Variants in MARCHF1 observed in about 807,000 individuals in gnomAD.
MARCHF1 encodes E3 ubiquitin-protein ligase MARCHF1.
A neutral mutation model predicts 54.2 loss-of-function variants in MARCHF1; 40 were observed. The observed-to-expected ratio is 0.74, with a 90% confidence interval of 0.57 to 0.96. The LOEUF (loss-of-function observed/expected upper bound fraction) is 0.96, where lower values mean the gene tolerates loss of function less well. Ranked by LOEUF, MARCHF1 falls within the 40% of genes least tolerant of loss-of-function variation. The pLI, the probability that MARCHF1 is intolerant of heterozygous loss-of-function variation, is 0.00. For synonymous variants in MARCHF1, 236 were observed against 236.3 expected (o/e 1.00, Z 0.01); for missense variants, 586 against 656.5 (o/e 0.89, Z 1.17).
chr4:163,559,760 G>A (rs561775000), intron 8 of MARCHF1, among the ~76,000 whole-genome samples: 150 of 152,316 alleles, frequency 9.8e-4, no homozygotes, highest in African/African-American at 3.6e-3. Context: ...AAGCAGAGGA[G>A]TGTCCCCTTC....
In MARCHF1 at chr4:163,527,860, TAAC is replaced by T. The variant is rs1579028981; in HGVS notation, c.*885_*887del. The T allele has an allele frequency of 6.6e-6, 1 of 152,070 alleles. No individual in the cohort carries two copies. The highest frequency in any genetic ancestry group is 1.9e-4 in the East Asian group (1 of 5,202). The allele number at this position is 152,070 out of a possible 1,614,324, so 9.4% of individuals were successfully genotyped here. ...TTTTTATATTGATGACATGTTGAAA[TAAC>T]ATATAGTGTTTTTAAAAAATCAAAA... On this transcript the variant is annotated 3_prime_UTR_variant, in exon 10 of 10. Transcript: ENST00000514618.
At chr4:163,861,404 G>T (rs1749929407) in intron 3 of MARCHF1, among the ~76,000 whole-genome samples, 1 of 152,052 alleles carries the variant, frequency 6.6e-6, no homozygotes. Context: ...AGGACACAAG[G>T]TTAATATACA....
At chr4:164,127,052 TCAAAACAAAACAAAA>T (rs61100715) in intron 1 of MARCHF1, among the ~76,000 whole-genome samples, 1 of 150,466 alleles carries the variant, frequency 6.6e-6, no homozygotes, top group Non-Finnish European at 1.5e-5. Context: ...AAACTCCGTC[TCAAAACAAAACAAAA>T]CAAAACAAAA....
At chr4:163,661,436 T>C (rs1743340005) in intron 5 of MARCHF1, among the ~76,000 whole-genome samples, 1 of 152,026 alleles carries the variant, frequency 6.6e-6, no homozygotes, top group Admixed American at 6.6e-5. Flanking sequence ...CCCTGACAAC[T>C]TTCTTTGCCA....
intron 7 of MARCHF1, among the ~76,000 whole-genome samples, chr4:163,600,406 A>G (rs1271961824): frequency 6.6e-6 from 1 of 152,166 alleles, no homozygotes; most frequent in African/African-American, 2.4e-5. Flanking sequence ...TTAAAAACAT[A>G]AAATTTTCCC....
chr4:163,877,683 C>T (rs938692906), intron 3 of MARCHF1, among the ~76,000 whole-genome samples: 1 of 152,122 alleles, frequency 6.6e-6, no homozygotes, highest in Non-Finnish European at 1.5e-5. Flanking sequence ...TGCTTCTCCC[C>T]AATTTACTAC....
At position 163,994,733 on chromosome 4, in the gene MARCHF1, GCACACATACACA is replaced by G. The variant is rs1241956206; in HGVS notation, c.-247-6036_-247-6025del. Among the ~76,000 whole-genome samples the G allele has an allele frequency of 3.7e-3, 353 of 94,392 alleles. 1 individual carries two copies. The highest frequency in any genetic ancestry group is 0.011 in the African/African-American group (279 of 24,856). The allele number at this position is 94,392 out of a possible 152,430, so 61.9% of individuals were successfully genotyped here. ...TCCTGGACCTAACAGTCCTAATCAA[GCACACATACACA>G]CACACACACACACACACACACACAC... On this transcript the variant is annotated intron_variant, in intron 2 of 9. Coordinates refer to ENST00000514618, the MANE Select transcript of MARCHF1 (RefSeq NM_001394959.1).
intron 2 of MARCHF1, among the ~76,000 whole-genome samples, chr4:164,097,163 T>C (rs1399307785): frequency 3.9e-5 from 6 of 152,206 alleles, no homozygotes; most frequent in Non-Finnish European, 7.4e-5. Flanking sequence ...CTAGGCCTCA[T>C]ATTTTTTGAA....
intron 4 of MARCHF1, among the ~76,000 whole-genome samples, chr4:163,767,122 T>C (rs1427976688): frequency 7.3e-6 from 1 of 137,676 alleles, no homozygotes; most frequent in Admixed American, 7.3e-5. Context: ...AAAAAAAAAG[T>C]CTTATCCAAG....
intron 5 of MARCHF1, among the ~76,000 whole-genome samples, chr4:163,685,506 G>A (rs539839765): frequency 4.6e-5 from 7 of 152,104 alleles, no homozygotes; most frequent in African/African-American, 1.7e-4. Context: ...CAGGCTTGGA[G>A]TGCAGTAGCG....
Position 164,015,896 on chromosome 4 carries a change from T to TC in MARCHF1, c.-247-27188dup, listed in dbSNP as rs148930638. 6.6e-3 allele frequency among the ~76,000 whole-genome samples: 868 copies of TC among 130,542 alleles called. 7 individuals are homozygous for TC. The highest frequency in any genetic ancestry group is 0.016 in the African/African-American group (559 of 34,492). 85.6% of individuals were successfully genotyped at this position (130,542 alleles called of 152,430 possible). ...GCAACTATGGAAAACAGTATAAGTTTCCCCAAAAAAAAAAAAAACTAAAAA... is the reference window on the plus strand; with the variant it reads ...GCAACTATGGAAAACAGTATAAGTTTCCCCCAAAAAAAAAAAAAACTAAAAA... On this transcript the variant is annotated intron_variant, in intron 2 of 9. Transcript: ENST00000514618.
intron 7 of MARCHF1, among the ~76,000 whole-genome samples, chr4:163,601,450 T>C (rs921970166): frequency 6.6e-6 from 1 of 151,832 alleles, no homozygotes; most frequent in African/African-American, 2.4e-5. Flanking sequence ...TAAACAGATA[T>C]AAATTCATTA....
chr4:163,900,645 T>C (rs984596646), intron 3 of MARCHF1, among the ~76,000 whole-genome samples: 4 of 152,132 alleles, frequency 2.6e-5, no homozygotes, highest in Non-Finnish European at 4.4e-5. Context: ...AACTAAGGAT[T>C]GTTGTGTGAT....
chr4:163,847,109 G>A (rs1749504442), intron 4 of MARCHF1, among the ~76,000 whole-genome samples: 1 of 152,138 alleles, frequency 6.6e-6, no homozygotes, highest in Non-Finnish European at 1.5e-5. Context: ...TGGCCTATGA[G>A]TAACAAGAAC....
intron 5 of MARCHF1, among the ~76,000 whole-genome samples, chr4:163,688,037 G>C (rs191533380): frequency 6.6e-6 from 1 of 152,090 alleles, no homozygotes; most frequent in Admixed American, 6.6e-5. Flanking sequence ...ATCCAAATAG[G>C]CTATGCACAT....
intron 3 of MARCHF1, among the ~76,000 whole-genome samples, chr4:163,982,842 A>G (rs1207352185): frequency 6.6e-6 from 1 of 152,182 alleles, no homozygotes; most frequent in Admixed American, 6.5e-5. Context: ...TTTACTTCAG[A>G]AGTCTTCAGG....
rs566044787 is a variant in MARCHF1, at chr4:163,604,201, C to T, written c.1010+8070G>A. 2.2e-4 allele frequency among the ~76,000 whole-genome samples: 33 copies of T among 152,226 alleles called. 1 individual carries two copies. The highest frequency in any genetic ancestry group is 9.8e-4 in the Admixed American group (15 of 15,262). ...TCATCTAAATCAAGATCTCTCTGAA[C>T]TCTAGACCTTGCCTGTATCTCCCTC... On this transcript the variant is annotated intron_variant, in intron 7 of 9. Coordinates refer to ENST00000514618, the MANE Select transcript of MARCHF1 (RefSeq NM_001394959.1).
intron 3 of MARCHF1, among the ~76,000 whole-genome samples, chr4:163,975,278 G>C (rs1190846492): frequency 1.3e-5 from 2 of 151,632 alleles, no homozygotes; most frequent in Non-Finnish European, 2.9e-5. Flanking sequence ...TGCAGACTTT[G>C]AGAAGAAATT....
chr4:164,367,126 A>G (rs150032566), intron 1 of MARCHF1, among the ~76,000 whole-genome samples: 114 of 152,228 alleles, frequency 7.5e-4, no homozygotes, highest in African/African-American at 2.6e-3. Flanking sequence ...CCATTGCCAT[A>G]CAAGTATAGT....
Sources: allele counts gnomAD v4.1 joint callset (sites outside exome capture counted in the v4.1 genomes callset), GRCh38; gene constraint gnomAD v4.1.1; transcripts MANE v1.5; gene names NCBI Gene and HGNC (gene_info 2026-07-23, HGNC 2026-07-21).